The following ERBB4 variants were observed in gnomAD, a reference collection of about 807,000 sequenced individuals.
ERBB4 encodes erb-b2 receptor tyrosine kinase 4, also known as receptor tyrosine-protein kinase erbB-4.
ERBB4 carries 42 observed loss-of-function variants against 158.0 expected under a neutral mutation model. That is an observed-to-expected ratio of 0.27 (90% CI 0.21 to 0.34). The LOEUF is 0.34. Ranked by LOEUF, ERBB4 falls within the 10% of genes least tolerant of loss-of-function variation. The pLI is 1.00. For missense variants in ERBB4, 1,333 were observed against 1,624.1 expected, an observed-to-expected ratio of 0.82 and a Z score of 3.08; for synonymous variants, 583 against 558.7, an observed-to-expected ratio of 1.04 and a Z score of -0.61.
intron 7 of ERBB4, among the ~76,000 whole-genome samples, chr2:211,714,058 T>C (rs772839397): frequency 2.0e-5 from 3 of 152,210 alleles, no homozygotes; most frequent in Non-Finnish European, 4.4e-5. Context: ...TGGATCAGAG[T>C]ACATTTCACA....
intron 1 of ERBB4, among the ~76,000 whole-genome samples, chr2:212,255,911 C>T (rs956129582): frequency 1.2e-4 from 19 of 152,160 alleles, no homozygotes; most frequent in Admixed American, 1.2e-3. Flanking sequence ...GCCTCGAACT[C>T]CTAGGCTCAA....
At chr2:211,888,842 G>A (rs961269814) in intron 3 of ERBB4, among the ~76,000 whole-genome samples, 6 of 151,622 alleles carry the variant, frequency 4.0e-5, no homozygotes, top group Admixed American at 1.3e-4. Context: ...TTTTCAGACC[G>A]GCTTAAAAAA....
chr2:211,679,238 A>C, intron 12 of ERBB4, 54 bp from the exon 13 acceptor site: 2 of 1,595,722 alleles, frequency 1.3e-6, no homozygotes, highest in Non-Finnish European at 8.6e-7. Flanking sequence ...GTCAAAACTT[A>C]AAATCTTCCT....
Position 211,705,300 on chromosome 2 carries a change from T to G in ERBB4, c.1198+18A>C. The G allele has an allele frequency of 2.6e-6, 4 of 1,538,448 alleles. No individual in the cohort carries two copies. The South Asian group carries it at 3.4e-5, about 13-fold the overall frequency. ...ATTATATTGTTCATAGCGCAACAGT[T>G]GCAGTTTAAAAAATTACCTGTTATC... On this transcript the variant is annotated intron_variant, in intron 10 of 27. Transcript: ENST00000342788.
At chr2:211,970,237 G>A (rs977403665) in intron 2 of ERBB4, among the ~76,000 whole-genome samples, 1 of 152,098 alleles carries the variant, frequency 6.6e-6, no homozygotes, top group Non-Finnish European at 1.5e-5. Flanking sequence ...ATTTGATTGT[G>A]CTGTGGTACA....
At position 211,774,073 on chromosome 2, in the gene ERBB4, A is replaced by ATT. The variant is rs113991569; in HGVS notation, c.556+13950_556+13951dup. Among the ~76,000 whole-genome samples, 1,069 of 142,140 alleles carry ATT rather than the reference A, an allele frequency of 7.5e-3. 20 individuals carry two copies. Among genetic ancestry groups the ATT allele is most frequent in the Middle Eastern group, 0.051 (14 of 276 alleles). 93.2% of individuals were successfully genotyped at this position (142,140 alleles called of 152,430 possible). ...AGATGCTCTGTGGTCACCCCAACCA[A>ATT]TTTTTTTTTTTTTTCTTGAGATGGA... On this transcript the variant is annotated intron_variant, in intron 4 of 27. Transcript: ENST00000342788.
In ERBB4 at chr2:211,651,362, T is replaced by C. The variant is rs368769524; in HGVS notation, c.1946+6392A>G. On this transcript the variant is annotated intron_variant, in intron 16 of 27. Coordinates refer to ENST00000342788, the MANE Select transcript of ERBB4 (RefSeq NM_005235.3). ...CCTTCAGGACAAGAAAAAATAAGAATGGCACCGTCGGAAATATTATATGCT... is the reference window on the plus strand; with the variant it reads ...CCTTCAGGACAAGAAAAAATAAGAACGGCACCGTCGGAAATATTATATGCT... Among the ~76,000 whole-genome samples, 344 of 152,184 alleles carry C rather than the reference T, an allele frequency of 2.3e-3. 1 individual carries two copies. Among genetic ancestry groups the C allele is most frequent in the African/African-American group, 7.9e-3 (328 of 41,552 alleles).
chr2:211,430,767 GATATATATATACACACAC>G (rs979743557), intron 21 of ERBB4, among the ~76,000 whole-genome samples, 160 bp downstream of exon 21: 1 of 86,746 alleles, frequency 1.2e-5, no homozygotes, highest in African/African-American at 3.3e-5. Flanking sequence ...GTGTGTATAT[GATATATATATACACACAC>G]ATATATATAT....
intron 1 of ERBB4, among the ~76,000 whole-genome samples, chr2:212,381,599 C>T (rs2090506212): frequency 6.6e-6 from 1 of 151,304 alleles, no homozygotes; most frequent in Admixed American, 6.6e-5. Context: ...AAATTGGGCT[C>T]TCTGCCAAGT....
chr2:211,666,450 A>G (rs536542875), intron 14 of ERBB4, among the ~76,000 whole-genome samples: 26 of 152,314 alleles, frequency 1.7e-4, no homozygotes, highest in African/African-American at 6.0e-4. Flanking sequence ...TGATATGAAA[A>G]TATATCTAAA....
chr2:212,471,716 A>T (rs1397733633), intron 1 of ERBB4, among the ~76,000 whole-genome samples: 1 of 151,944 alleles, frequency 6.6e-6, no homozygotes, highest in East Asian at 1.9e-4. Flanking sequence ...CTGGAACAAA[A>T]ATCATAAAGA....
At chr2:211,983,695 T>G (rs1333592764) in intron 2 of ERBB4, among the ~76,000 whole-genome samples, 2 of 152,172 alleles carry the variant, frequency 1.3e-5, no homozygotes, top group Non-Finnish European at 2.9e-5. Context: ...GTGTTAGAAT[T>G]GTAGTTTAAT....
At chr2:211,676,259 G>T (rs551930745) in intron 13 of ERBB4, among the ~76,000 whole-genome samples, 3 of 152,312 alleles carry the variant, frequency 2.0e-5, no homozygotes, top group African/African-American at 7.2e-5. Context: ...TACGTAAGTT[G>T]ATCATCTTTC....
At chr2:212,221,258 C>T (rs981139022) in intron 1 of ERBB4, among the ~76,000 whole-genome samples, 3 of 151,508 alleles carry the variant, frequency 2.0e-5, no homozygotes, top group Non-Finnish European at 3.0e-5. Context: ...TGATCATATG[C>T]TCAAGAGACT....
chr2:212,401,724 AT>A (rs907747175), intron 1 of ERBB4, among the ~76,000 whole-genome samples: 27 of 152,044 alleles, frequency 1.8e-4, no homozygotes, highest in Non-Finnish European at 3.2e-4. Flanking sequence ...TTATTATATA[AT>A]TTTTTTTATT....
chr2:211,954,111 G>A (rs569320504), intron 2 of ERBB4, among the ~76,000 whole-genome samples: 1 of 151,658 alleles, frequency 6.6e-6, no homozygotes, highest in African/African-American at 2.4e-5. Flanking sequence ...TAATTTTTCT[G>A]TATTTGATAT....
intron 1 of ERBB4, among the ~76,000 whole-genome samples, chr2:212,362,161 GGC>G: frequency 6.6e-6 from 1 of 151,392 alleles, no homozygotes; most frequent in East Asian, 1.9e-4. Context: ...TAAATTCAGT[GGC>G]TATCATTTTT....
At chr2:212,200,362 C>A (rs1347224980) in intron 1 of ERBB4, among the ~76,000 whole-genome samples, 1 of 152,140 alleles carries the variant, frequency 6.6e-6, no homozygotes, top group Non-Finnish European at 1.5e-5. Flanking sequence ...GTTATAATTA[C>A]ATCTTTAGAC....
At chr2:212,072,359 A>C (rs564644569) in intron 2 of ERBB4, among the ~76,000 whole-genome samples, 1 of 152,094 alleles carries the variant, frequency 6.6e-6, no homozygotes, top group Non-Finnish European at 1.5e-5. Flanking sequence ...AGTGACAGGT[A>C]GTAGCGTAGA....
Sources: allele counts gnomAD v4.1 joint callset (sites outside exome capture counted in the v4.1 genomes callset), GRCh38; gene constraint gnomAD v4.1.1; transcripts MANE v1.5; gene names NCBI Gene and HGNC (gene_info 2026-07-23, HGNC 2026-07-21).